Variants in CNTNAP5 observed in about 807,000 individuals in gnomAD.
The protein encoded by CNTNAP5 is contactin associated protein family member 5, also known as contactin-associated protein-like 5.
CNTNAP5 carries 72 observed loss-of-function variants against 150.2 expected under a neutral mutation model. The ratio of observed to expected loss-of-function variants is 0.48; its 90% CI spans 0.40 to 0.58. The LOEUF is 0.58. Ranked by LOEUF, CNTNAP5 falls within the 20% of genes least tolerant of loss-of-function variation. The pLI is 0.00. For synonymous variants in CNTNAP5, 672 were observed against 619.8 expected (o/e 1.08, Z -1.25); for missense variants, 1,636 against 1,626.2 (o/e 1.01, Z -0.10).
chr2:124,061,955 G>A (rs575239268), intron 1 of CNTNAP5, among the ~76,000 whole-genome samples: 3 of 152,036 alleles, frequency 2.0e-5, no homozygotes, highest in Admixed American at 6.6e-5. Flanking sequence ...TTTTACCTCC[G>A]CAATGCCATC....
chr2:124,254,339 G>A (rs2104783670), intron 3 of CNTNAP5, among the ~76,000 whole-genome samples: 1 of 152,228 alleles, frequency 6.6e-6, no homozygotes, highest in South Asian at 2.1e-4. Context: ...TCCTAGGCCT[G>A]AGGCATTTGC....
chr2:124,873,491 G>A lies in CNTNAP5; in HGVS notation c.3436+3729G>A, dbSNP rs571924507. On this transcript the variant is annotated intron_variant, in intron 21 of 23. Transcript: ENST00000682447. ...GGGCTGCCTTCCCATTTGAACTGCC[G>A]TTGAACAGATGGAAGGATTTTGACC... 2.0e-4 allele frequency among the ~76,000 whole-genome samples: 31 copies of A among 152,192 alleles called. No individual in the cohort carries two copies. The South Asian group carries it at 2.3e-3, about 11-fold the overall frequency.
At chr2:124,345,171 T>C (rs990627550) in intron 3 of CNTNAP5, among the ~76,000 whole-genome samples, 2 of 152,210 alleles carry the variant, frequency 1.3e-5, no homozygotes, top group African/African-American at 4.8e-5. Flanking sequence ...GTCCTTTGTA[T>C]GGAAAGCAAT....
At chr2:124,314,836 T>G (rs1397622729) in intron 3 of CNTNAP5, among the ~76,000 whole-genome samples, 1 of 152,202 alleles carries the variant, frequency 6.6e-6, no homozygotes, top group Non-Finnish European at 1.5e-5. Flanking sequence ...ATTATGAGCA[T>G]GTTCTTATCT....
intron 6 of CNTNAP5, among the ~76,000 whole-genome samples, chr2:124,452,619 G>T (rs151253321): frequency 6.6e-6 from 1 of 152,166 alleles, no homozygotes. Context: ...AAACAAAGCT[G>T]CAGATCCTCA....
At chr2:124,273,421 G>A (rs960429375) in intron 3 of CNTNAP5, among the ~76,000 whole-genome samples, 2 of 152,154 alleles carry the variant, frequency 1.3e-5, no homozygotes, top group African/African-American at 2.4e-5. Context: ...ATCTGCTCTC[G>A]TCCTCATTTA....
intron 3 of CNTNAP5, among the ~76,000 whole-genome samples, chr2:124,264,977 A>G (rs187369637): frequency 6.6e-6 from 1 of 152,310 alleles, no homozygotes; most frequent in Non-Finnish European, 1.5e-5. Context: ...AGCCACATGA[A>G]GCGTCAGTAA....
chr2:124,119,785 T>A lies in CNTNAP5; in HGVS notation c.82+94053T>A, dbSNP rs548656592. 2.0e-4 allele frequency among the ~76,000 whole-genome samples: 31 copies of A among 152,272 alleles called. No individual in the cohort carries two copies. The South Asian group carries it at 6.2e-3, about 31-fold the overall frequency. Reference sequence around the variant, plus strand: ...ATAGACTATGATATAACATTTTATTTAATAAAGTCTAAACCTCAAAGTGAT... The same window carrying A: ...ATAGACTATGATATAACATTTTATTAAATAAAGTCTAAACCTCAAAGTGAT... On this transcript the variant is annotated intron_variant, in intron 1 of 23. Coordinates refer to ENST00000682447, the MANE Select transcript of CNTNAP5 (RefSeq NM_001367498.1).
intron 11 of CNTNAP5, among the ~76,000 whole-genome samples, chr2:124,575,166 A>G (rs192628996): frequency 2.0e-5 from 3 of 152,340 alleles, no homozygotes; most frequent in Admixed American, 6.5e-5. Context: ...GGAGAGCCCA[A>G]GGACATTCAG....
intron 1 of CNTNAP5, among the ~76,000 whole-genome samples, chr2:124,188,546 C>T (rs913767321): frequency 4.0e-5 from 6 of 151,696 alleles, no homozygotes; most frequent in Non-Finnish European, 7.4e-5. Context: ...GGAGAAACCC[C>T]GTCTCTACTA....
chr2:124,621,457 A>T (rs1452303688), intron 12 of CNTNAP5, among the ~76,000 whole-genome samples: 1 of 152,170 alleles, frequency 6.6e-6, no homozygotes, highest in African/African-American at 2.4e-5. Context: ...CACTCTGGCT[A>T]TTATGATGCT....
At chr2:124,175,454 T>C (rs1269298586) in intron 1 of CNTNAP5, among the ~76,000 whole-genome samples, 1 of 152,182 alleles carries the variant, frequency 6.6e-6, no homozygotes, top group Admixed American at 6.5e-5. Flanking sequence ...ATTTCAACTT[T>C]TATTTTAGAT....
chr2:124,570,563 G>A (rs1696128495), intron 11 of CNTNAP5, among the ~76,000 whole-genome samples: 1 of 139,178 alleles, frequency 7.2e-6, no homozygotes, highest in Admixed American at 7.1e-5. Context: ...AGTTTGTTGG[G>A]GATCGGGTTG....
chr2:124,477,962 T>C (rs2104836793), intron 7 of CNTNAP5, among the ~76,000 whole-genome samples: 1 of 152,228 alleles, frequency 6.6e-6, no homozygotes, highest in Middle Eastern at 3.4e-3. Flanking sequence ...CACTCATTGT[T>C]CATAAACTGG....
chr2:124,670,199 C>T (rs75532037), intron 13 of CNTNAP5, among the ~76,000 whole-genome samples: 1 of 114,448 alleles, frequency 8.7e-6, no homozygotes, highest in Non-Finnish European at 1.8e-5. Context: ...CTCTTTCTCT[C>T]TCTTTCCTTC....
intron 1 of CNTNAP5, among the ~76,000 whole-genome samples, chr2:124,163,525 C>T (rs1488004581): frequency 2.0e-5 from 3 of 151,900 alleles, no homozygotes; most frequent in African/African-American, 7.3e-5. Flanking sequence ...AATGCTAGCT[C>T]TCAGGGCTCC....
chr2:124,411,283 A>G lies in CNTNAP5; in HGVS notation c.382-6160A>G, dbSNP rs375807202. Among the ~76,000 whole-genome samples, 1,145 of 152,270 alleles carry G rather than the reference A, an allele frequency of 7.5e-3. 12 individuals carry two copies. Among genetic ancestry groups the G allele is most frequent in the African/African-American group, 0.021 (862 of 41,554 alleles). On this transcript the variant is annotated intron_variant, in intron 3 of 23. Transcript: ENST00000682447. ...TCCAGGACCAGATGGATTCACAGCC[A>G]AATTCTATCAGAGGTACAAGGAGGA... is the stretch of plus-strand genomic sequence containing the variant.
At chr2:124,682,847 G>A (rs1679100385) in intron 13 of CNTNAP5, among the ~76,000 whole-genome samples, 2 of 152,140 alleles carry the variant, frequency 1.3e-5, no homozygotes, top group African/African-American at 4.8e-5. Flanking sequence ...CTATGGAAAA[G>A]GATGTTGGCT....
At chr2:124,195,047 A>T (rs1038802806) in intron 1 of CNTNAP5, among the ~76,000 whole-genome samples, 1 of 30,722 alleles carries the variant, frequency 3.3e-5, no homozygotes, top group Non-Finnish European at 7.0e-5. Context: ...AGAATTAAAT[A>T]AAAAAAAAAC....
Sources: allele counts gnomAD v4.1 joint callset (sites outside exome capture counted in the v4.1 genomes callset), GRCh38; gene constraint gnomAD v4.1.1; transcripts MANE v1.5; gene names NCBI Gene and HGNC (gene_info 2026-07-23, HGNC 2026-07-21).